Variants in SKAP1 observed in about 807,000 individuals in gnomAD.
SKAP1 encodes src kinase associated phosphoprotein 1.
Under a neutral mutation model 58.5 loss-of-function variants are expected in SKAP1, and 44 were observed. That is an observed-to-expected ratio of 0.75 (90% confidence interval 0.59 to 0.97). SKAP1 has a LOEUF of 0.97. Among genes scored for constraint, SKAP1 ranks in the 50% least tolerant of loss-of-function variants. The pLI is 0.00. For synonymous variants in SKAP1, 127 were observed against 149.7 expected (o/e 0.85, Z 1.11); for missense variants, 390 against 435.2 (o/e 0.90, Z 0.92).
At chr17:48,218,344 C>T (rs1042577934) in intron 4 of SKAP1, among the ~76,000 whole-genome samples, 2 of 152,198 alleles carry the variant, frequency 1.3e-5, no homozygotes, top group African/African-American at 4.8e-5. Context: ...TAAACACTGA[C>T]ATTCACACTG....
chr17:48,173,237 C>T (rs908281331), intron 9 of SKAP1, among the ~76,000 whole-genome samples: 2 of 151,148 alleles, frequency 1.3e-5, no homozygotes, highest in African/African-American at 4.9e-5. Context: ...TATATATATG[C>T]CCTACAATAT....
intron 4 of SKAP1, among the ~76,000 whole-genome samples, chr17:48,230,564 G>A (rs1422289613): frequency 6.6e-6 from 1 of 152,040 alleles, no homozygotes; most frequent in Non-Finnish European, 1.5e-5. Flanking sequence ...AGACCAGCCT[G>A]GGCAACATGG....
chr17:48,339,434 T>C (rs1361091954), intron 4 of SKAP1, among the ~76,000 whole-genome samples: 1 of 152,176 alleles, frequency 6.6e-6, no homozygotes, highest in African/African-American at 2.4e-5. Context: ...TCACATAGCT[T>C]ACATAGTTTT....
intron 2 of SKAP1, among the ~76,000 whole-genome samples, chr17:48,375,646 T>C (rs968495955): frequency 6.6e-6 from 1 of 152,164 alleles, no homozygotes. Flanking sequence ...ACTTCCTCCA[T>C]GTAATAGGCA....
intron 1 of SKAP1, among the ~76,000 whole-genome samples, chr17:48,404,293 A>C (rs1418482328): frequency 2.0e-5 from 3 of 151,626 alleles, no homozygotes; most frequent in African/African-American, 7.3e-5. Context: ...TCTCTACTAA[A>C]AATACAAAAT....
chr17:48,180,475 C>T (rs2064353626), intron 8 of SKAP1, among the ~76,000 whole-genome samples: 1 of 152,138 alleles, frequency 6.6e-6, no homozygotes, highest in Non-Finnish European at 1.5e-5. Context: ...TAAATCCTTC[C>T]TTGCAATAAA....
chr17:48,167,988 T>G (rs2064161147), intron 10 of SKAP1, among the ~76,000 whole-genome samples: 1 of 152,210 alleles, frequency 6.6e-6, no homozygotes, highest in Non-Finnish European at 1.5e-5. Flanking sequence ...CTCATTAAAA[T>G]AACCCTGTTA....
At chr17:48,179,950 G>C in intron 9 of SKAP1, 104 bp downstream of exon 9, 1 of 1,037,604 alleles carries the variant, frequency 9.6e-7, no homozygotes, top group Non-Finnish European at 1.4e-6. Context: ...CAGAGGATGA[G>C]GGTTAGATTT....
intron 4 of SKAP1, among the ~76,000 whole-genome samples, chr17:48,310,188 G>A (rs529075966): frequency 1.3e-5 from 2 of 152,314 alleles, no homozygotes; most frequent in Admixed American, 6.5e-5. Flanking sequence ...ACGAACAGAT[G>A]TACTGAAGAA....
intron 2 of SKAP1, among the ~76,000 whole-genome samples, chr17:48,381,689 G>T (rs2067216129): frequency 6.6e-6 from 1 of 152,044 alleles, no homozygotes; most frequent in Non-Finnish European, 1.5e-5. Flanking sequence ...AAATTTCTTG[G>T]GAATATTTGT....
chr17:48,374,924 G>A (rs185980373), intron 2 of SKAP1, among the ~76,000 whole-genome samples: 235 of 152,308 alleles, frequency 1.5e-3, no homozygotes, highest in African/African-American at 5.3e-3. Flanking sequence ...GGCAGCAAAA[G>A]GAAGGTCTTT....
At chr17:48,178,302 T>C (rs1410985441) in intron 9 of SKAP1, among the ~76,000 whole-genome samples, 2 of 152,062 alleles carry the variant, frequency 1.3e-5, no homozygotes, top group Non-Finnish European at 2.9e-5. Flanking sequence ...GCCCTTTCTT[T>C]CCACCCGAGA....
chr17:48,323,677 G>GT (rs1320473513), intron 4 of SKAP1, among the ~76,000 whole-genome samples: 1 of 152,066 alleles, frequency 6.6e-6, no homozygotes, highest in Non-Finnish European at 1.5e-5. Context: ...GGCTGGAAGA[G>GT]TGAGAACACA....
intron 11 of SKAP1, among the ~76,000 whole-genome samples, chr17:48,146,407 C>T (rs1484231825): frequency 2.6e-5 from 4 of 151,284 alleles, no homozygotes; most frequent in African/African-American, 7.3e-5. Flanking sequence ...GCAGGATAAT[C>T]GCTTGAACCT....
At chr17:48,370,360 C>T (rs1365725821) in intron 2 of SKAP1, among the ~76,000 whole-genome samples, 2 of 152,250 alleles carry the variant, frequency 1.3e-5, no homozygotes, top group East Asian at 3.9e-4. Flanking sequence ...TGCTGGAGTG[C>T]TGTGGCGTGA....
chr17:48,184,789 G>A lies in SKAP1; in HGVS notation c.501C>T (p.His167=). 6.2e-7 allele frequency: 1 copy of A among 1,614,034 alleles called. No individual in the cohort carries two copies. The highest frequency in any genetic ancestry group is 8.5e-7 in the Non-Finnish European group (1 of 1,179,914). The change falls in exon 7 of 13, where the codon CAC becomes CAT. Residue 167 remains histidine (H), a synonymous_variant. Transcript: ENST00000336915. ...ATTCTTTCTTGGAATCTCTTCGCAG[G>A]TGGGGGGCCATCCGTACACCGTAGC... ...IKGYGVRMAP[H]LRRDSKKESC...
intron 1 of SKAP1, among the ~76,000 whole-genome samples, chr17:48,406,048 C>T (rs569211594): frequency 2.0e-5 from 3 of 152,034 alleles, no homozygotes; most frequent in South Asian, 2.1e-4. Context: ...GGGTAGATCA[C>T]GAAGTCAAGA....
At chr17:48,408,679 C>T (rs904803689) in intron 1 of SKAP1, among the ~76,000 whole-genome samples, 3 of 152,070 alleles carry the variant, frequency 2.0e-5, no homozygotes, top group Non-Finnish European at 4.4e-5. Context: ...TAAAAAATTT[C>T]CTGATAAATG....
intron 4 of SKAP1, among the ~76,000 whole-genome samples, chr17:48,277,145 C>T (rs1249786111): frequency 6.6e-6 from 1 of 152,142 alleles, no homozygotes; most frequent in Non-Finnish European, 1.5e-5. Flanking sequence ...TTACTTAATA[C>T]ATTTTTCAAA....
Sources: gnomAD v4.1 joint callset for allele counts (sites outside exome capture counted in the v4.1 genomes callset) on GRCh38, gnomAD v4.1.1 for gene constraint, MANE v1.5 for transcripts, NCBI Gene and HGNC (gene_info 2026-07-23, HGNC 2026-07-21) for gene names.